The following AEBP2 variants were observed in gnomAD, a reference collection of about 807,000 sequenced individuals.
The protein encoded by AEBP2 is AE binding protein 2, also known as zinc finger protein AEBP2.
A neutral mutation model predicts 50.8 loss-of-function variants in AEBP2; 10 were observed. That is an observed-to-expected ratio of 0.20 (90% CI 0.12 to 0.33). The LOEUF is 0.33. Ranked by LOEUF, AEBP2 falls within the 10% of genes least tolerant of loss-of-function variation. The pLI is 1.00. For missense variants in AEBP2, 570 were observed against 688.0 expected (o/e 0.83, Z 1.92); for synonymous variants, 296 against 261.3 (o/e 1.13, Z -1.28).
intron 1 of AEBP2, chr12:19,440,818 G>C (rs12822340): frequency 0.11 from 160,479 of 1,480,110 alleles, 9,394 homozygotes; most frequent in Middle Eastern, 0.16. Flanking sequence ...GGATTTAACA[G>C]AACTTCCTTG....
At chr12:19,410,456 AT>A (rs972768995) in intron 1 of AEBP2, among the ~76,000 whole-genome samples, 6 of 151,346 alleles carry the variant, frequency 4.0e-5, no homozygotes, top group Non-Finnish European at 7.4e-5. Context: ...GATGGAAGAG[AT>A]TCAAATATTT....
chr12:19,463,414 G>T (rs1197650318), intron 2 of AEBP2, among the ~76,000 whole-genome samples: 2 of 152,042 alleles, frequency 1.3e-5, no homozygotes, highest in South Asian at 4.1e-4. Context: ...ATCACACTTA[G>T]TGCATTTTTC....
intron 4 of AEBP2, among the ~76,000 whole-genome samples, chr12:19,499,519 C>T (rs1949035288): frequency 6.6e-6 from 1 of 150,380 alleles, no homozygotes. Flanking sequence ...GAGGTTGAGG[C>T]ATGAGAATTG....
chr12:19,498,867 A>T (rs1949024506), intron 4 of AEBP2, among the ~76,000 whole-genome samples: 1 of 152,138 alleles, frequency 6.6e-6, no homozygotes, highest in Admixed American at 6.6e-5. Context: ...TTTAAAAAAA[A>T]TTCCATGGTG....
chr12:19,448,839 C>G (rs1026324621), intron 1 of AEBP2, among the ~76,000 whole-genome samples: 1 of 151,952 alleles, frequency 6.6e-6, no homozygotes, highest in African/African-American at 2.4e-5. Context: ...ACTACCATGC[C>G]CAGCTGCTTT....
chr12:19,511,686 TTCCTAGATCTTA>T (rs1300542505), intron 5 of AEBP2, among the ~76,000 whole-genome samples: 1 of 152,136 alleles, frequency 6.6e-6, no homozygotes, highest in Admixed American at 6.6e-5. Context: ...ATGAGTACAG[TTCCTAGATCTTA>T]GTGTTGGAAT....
In AEBP2 at chr12:19,440,063, G is replaced by A. The variant is rs1468971286; in HGVS notation, c.364G>A (p.Ala122Thr). 6.6e-7 allele frequency: 1 copy of A among 1,516,600 alleles called. No homozygotes were observed. The highest frequency in any genetic ancestry group is 1.2e-5 in the South Asian group (1 of 82,872). The allele number at this position is 1,516,600 out of a possible 1,614,324, so 93.9% of individuals were successfully genotyped here. ...CGGCGGGGGTGAGGAGGAGAGTAGC[G>A]CCGAGAGCCTGGTGGGCAGCAGCGG... ...SSGGGEEESS[A>T]ESLVGSSGGS... Residue 122 changes from alanine (A) to threonine (T), a missense_variant, in exon 1 of 8, where the codon GCC (alanine) becomes ACC (threonine). Around this residue, in one of 2 missense-constraint regions of AEBP2, gnomAD observed 386 missense variants for 336.8 expected, o/e 1.15. Coordinates refer to ENST00000266508, the MANE Select transcript of AEBP2 (RefSeq NM_153207.5).
chr12:19,455,272 C>T (rs75247318), intron 1 of AEBP2, among the ~76,000 whole-genome samples: 5,038 of 152,096 alleles, frequency 0.033, 103 homozygotes, highest in African/African-American at 0.048. Context: ...GGATTGTAGG[C>T]GTGAGCCACT....
chr12:19,508,310 C>G (rs1949183422), intron 5 of AEBP2, among the ~76,000 whole-genome samples: 1 of 152,176 alleles, frequency 6.6e-6, no homozygotes, highest in Admixed American at 6.5e-5. Flanking sequence ...GTCCTCCTGC[C>G]TCAGCCTCCC....
intron 1 of AEBP2, chr12:19,446,108 T>C (rs1283000247): frequency 6.6e-6 from 1 of 152,220 alleles, no homozygotes; most frequent in African/African-American, 2.4e-5. Context: ...GTAATGGCAG[T>C]GGTCTAACCT....
At chr12:19,465,540 G>T (rs949721692) in intron 2 of AEBP2, among the ~76,000 whole-genome samples, 1 of 152,106 alleles carries the variant, frequency 6.6e-6, no homozygotes, top group African/African-American at 2.4e-5. Context: ...CTACATACCA[G>T]TCATTAGAAT....
At chr12:19,411,326 C>T (rs1049390218) in intron 1 of AEBP2, among the ~76,000 whole-genome samples, 1 of 152,158 alleles carries the variant, frequency 6.6e-6, no homozygotes, top group African/African-American at 2.4e-5. Context: ...GAAGCTTGGT[C>T]CAGAGGGAGG....
chr12:19,500,281 AATC>A (rs1423010514), intron 5 of AEBP2, 60 bp downstream of exon 5: 1 of 1,331,604 alleles, frequency 7.5e-7, no homozygotes, highest in Non-Finnish European at 9.9e-7. Flanking sequence ...ATATTTCCAC[AATC>A]ATTTCTAAAT....
chr12:19,448,316 G>A (rs958641645), intron 1 of AEBP2, among the ~76,000 whole-genome samples: 2 of 152,248 alleles, frequency 1.3e-5, no homozygotes, highest in Admixed American at 1.3e-4. Flanking sequence ...GGCCGGACAT[G>A]GTGGCTCACA....
chr12:19,473,113 G>A (rs2153372284), intron 2 of AEBP2, 135 bp from the exon 3 acceptor site: 1 of 345,448 alleles, frequency 2.9e-6, no homozygotes, highest in East Asian at 4.9e-5. Context: ...TGTATATTAA[G>A]CATTTTGATT....
intron 1 of AEBP2, among the ~76,000 whole-genome samples, chr12:19,454,680 G>A (rs1389125491): frequency 2.0e-5 from 3 of 152,100 alleles, no homozygotes; most frequent in Admixed American, 6.6e-5. Flanking sequence ...TTTAAAGTTA[G>A]ATATTACAGT....
chr12:19,444,588 A>G (rs1407962762), intron 1 of AEBP2, among the ~76,000 whole-genome samples: 2 of 152,174 alleles, frequency 1.3e-5, no homozygotes, highest in Non-Finnish European at 2.9e-5. Context: ...CCTATATTTC[A>G]ATTTTTGAGT....
At chr12:19,431,474 C>G (rs1268424911) in intron 1 of AEBP2, among the ~76,000 whole-genome samples, 1 of 152,118 alleles carries the variant, frequency 6.6e-6, no homozygotes, top group South Asian at 2.1e-4. Flanking sequence ...AATGTGGCAG[C>G]TATGCTATTC....
rs558105760 is a variant in AEBP2, at chr12:19,511,277, C to G, written c.1300-1121C>G. On this transcript the variant is annotated intron_variant, in intron 5 of 7. Transcript: ENST00000266508. ...GTATCTGAATATGATAACTGTTCTT[C>G]TGTAAAACATTAATGCTGCTGGTGC... is the stretch of plus-strand genomic sequence containing the variant. Among the ~76,000 whole-genome samples the G allele has an allele frequency of 1.2e-4, 18 of 152,290 alleles. No individual in the cohort carries two copies. In the East Asian group the frequency reaches 3.3e-3, roughly 28 times the overall value.
Sources: allele counts gnomAD v4.1 joint callset (sites outside exome capture counted in the v4.1 genomes callset), GRCh38; gene constraint gnomAD v4.1.1; regional missense constraint gnomAD v4.1.1; transcripts MANE v1.5; gene names NCBI Gene and HGNC (gene_info 2026-07-23, HGNC 2026-07-21).